Variants in PALM2AKAP2 observed in about 807,000 individuals in gnomAD.
PALM2AKAP2 encodes the protein PALM2-AKAP2 fusion protein.
A neutral mutation model predicts 71.5 loss-of-function variants in PALM2AKAP2; 37 were observed. The observed-to-expected ratio is 0.52, with a 90% CI of 0.40 to 0.68. The LOEUF (loss-of-function observed/expected upper bound fraction) is 0.68. Ranked by LOEUF, PALM2AKAP2 falls within the 30% of genes least tolerant of loss-of-function variation. PALM2AKAP2 has a pLI of 0.00. For missense variants in PALM2AKAP2, 1,224 were observed against 1,191.8 expected (o/e 1.03, Z -0.40); for synonymous variants, 468 against 478.8 (o/e 0.98, Z 0.29).
chr9:109,681,716 T>C (rs1007755665), intron 1 of PALM2AKAP2, among the ~76,000 whole-genome samples: 3 of 152,214 alleles, frequency 2.0e-5, no homozygotes, highest in African/African-American at 7.2e-5. Context: ...TTTAGACTTA[T>C]TATATGGGTA....
chr9:109,663,265 T>G (rs1307467602), intron 1 of PALM2AKAP2, among the ~76,000 whole-genome samples: 1 of 152,218 alleles, frequency 6.6e-6, no homozygotes, highest in Non-Finnish European at 1.5e-5. Flanking sequence ...TCTAGTTCTT[T>G]TAATTGTGAT....
At chr9:110,020,993 C>T (rs1035810408) in intron 7 of PALM2AKAP2, among the ~76,000 whole-genome samples, 9 of 152,056 alleles carry the variant, frequency 5.9e-5, no homozygotes, top group African/African-American at 2.2e-4. Flanking sequence ...GTAATCCCAG[C>T]TACTCCGGAG....
chr9:110,022,730 C>A (rs1478393902), intron 7 of PALM2AKAP2, among the ~76,000 whole-genome samples: 1 of 151,546 alleles, frequency 6.6e-6, no homozygotes, highest in Admixed American at 6.6e-5. Flanking sequence ...CCTCCCCTCT[C>A]CCCCCACCCC....
At chr9:109,732,493 T>C (rs1828571194) in intron 1 of PALM2AKAP2, among the ~76,000 whole-genome samples, 1 of 152,200 alleles carries the variant, frequency 6.6e-6, no homozygotes, top group Non-Finnish European at 1.5e-5. Flanking sequence ...TGGAAGACTT[T>C]TTGTTTGTTT....
chr9:109,775,883 A>G (rs1379118274), upstream of PALM2AKAP2, among the ~76,000 whole-genome samples: 2 of 152,220 alleles, frequency 1.3e-5, no homozygotes, highest in African/African-American at 4.8e-5. Flanking sequence ...CAAAACATCT[A>G]TTTTGCATAT....
chr9:110,011,015 AT>A (rs1476388549), intron 6 of PALM2AKAP2, among the ~76,000 whole-genome samples: 1,694 of 41,470 alleles, frequency 0.041, 38 homozygotes, highest in African/African-American at 0.14. Flanking sequence ...AAAAAAAAAA[AT>A]ATATATATAT....
chr9:110,091,733 A>G (rs2118794568), intron 1 of PALM2AKAP2, among the ~76,000 whole-genome samples: 1 of 152,122 alleles, frequency 6.6e-6, no homozygotes, highest in Non-Finnish European at 1.5e-5. Context: ...AAGTGCCGGG[A>G]TTACAGGTGT....
intron 6 of PALM2AKAP2, among the ~76,000 whole-genome samples, chr9:109,971,283 CT>C (rs11392589): frequency 0.11 from 4,815 of 44,962 alleles, 131 homozygotes; most frequent in African/African-American, 0.19. Flanking sequence ...CTCTTAGTCC[CT>C]TTTTTTTTTT....
At chr9:109,997,567 A>G (rs1334083565) in intron 6 of PALM2AKAP2, among the ~76,000 whole-genome samples, 1 of 152,336 alleles carries the variant, frequency 6.6e-6, no homozygotes, top group East Asian at 1.9e-4. Context: ...CCCCTACTCA[A>G]GGAGAAATAG....
In PALM2AKAP2 at chr9:109,986,569, A is replaced by C. The variant is rs150129032; in HGVS notation, c.497-29385A>C. Among the ~76,000 whole-genome samples the C allele has an allele frequency of 1.0e-3, 158 of 152,244 alleles. 1 individual carries two copies. The highest frequency in any genetic ancestry group is 2.1e-3 in the Non-Finnish European group (145 of 68,010). ...TCAGTGCTACGGCTTCTCTGACTTA[A>C]ATTTTCTGTTTCCCTTGTGTTTGTG... On this transcript the variant is annotated intron_variant, in intron 6 of 9. Coordinates refer to the PALM2AKAP2 transcript ENST00000302798.
chr9:109,869,794 C>A (rs999054529), intron 2 of PALM2AKAP2, among the ~76,000 whole-genome samples: 4 of 152,158 alleles, frequency 2.6e-5, no homozygotes, highest in Non-Finnish European at 5.9e-5. Flanking sequence ...TGGTAAAATT[C>A]TCACACAGTT....
At chr9:109,984,456 G>A (rs1459472327) in intron 6 of PALM2AKAP2, among the ~76,000 whole-genome samples, 1 of 151,758 alleles carries the variant, frequency 6.6e-6, no homozygotes, top group Non-Finnish European at 1.5e-5. Context: ...CTGGGAGTTC[G>A]AGACCAATTT....
At chr9:109,973,470 A>G (rs142100492) in intron 6 of PALM2AKAP2, among the ~76,000 whole-genome samples, 32 of 152,344 alleles carry the variant, frequency 2.1e-4, no homozygotes, top group African/African-American at 7.7e-4. Flanking sequence ...GGAGAACCAT[A>G]TAGTGGCTCT....
Position 110,150,408 on chromosome 9 carries a change from G to A in PALM2AKAP2, c.2570-5911G>A, listed in dbSNP as rs151080737. ...TTCACTTTCTTCCCTCTTTCGTTCTGTATGCTGCCTACATTCCTTGGCTCA... is the reference window on the plus strand; with the variant it reads ...TTCACTTTCTTCCCTCTTTCGTTCTATATGCTGCCTACATTCCTTGGCTCA... On this transcript the variant is annotated intron_variant, in intron 2 of 3. Transcript: ENST00000374525. 3.2e-3 allele frequency among the ~76,000 whole-genome samples: 491 copies of A among 152,200 alleles called. 4 individuals carry two copies. The highest frequency in any genetic ancestry group is 0.011 in the African/African-American group (471 of 41,522).
At chr9:109,947,053 T>C (rs987201741) in intron 6 of PALM2AKAP2, among the ~76,000 whole-genome samples, 2 of 152,232 alleles carry the variant, frequency 1.3e-5, no homozygotes, top group Non-Finnish European at 2.9e-5. Flanking sequence ...CATCATTTAA[T>C]ATTGGTGATG....
chr9:109,934,480 C>G (rs2132009676), intron 6 of PALM2AKAP2, among the ~76,000 whole-genome samples: 1 of 152,318 alleles, frequency 6.6e-6, no homozygotes, highest in African/African-American at 2.4e-5. Flanking sequence ...GTCCCAGTCT[C>G]TCCAGCTGGT....
chr9:109,671,522 G>A (rs927290687), intron 1 of PALM2AKAP2, among the ~76,000 whole-genome samples: 18 of 152,242 alleles, frequency 1.2e-4, no homozygotes, highest in Admixed American at 3.3e-4. Flanking sequence ...AGCATAGTTC[G>A]AAGTCAGGTA....
At position 110,148,358 on chromosome 9, in the gene PALM2AKAP2, C is replaced by G. The variant is rs1836228917; in HGVS notation, c.2570-7961C>G. ...CAATAATATTTGACAGTTTCTCAGA[C>G]TTGTTTGCCAAGCAGTGGTATTTCT... is the stretch of plus-strand genomic sequence containing the variant. On this transcript the variant is annotated intron_variant, in intron 2 of 3. Coordinates refer to ENST00000374525, the Ensembl canonical transcript of PALM2AKAP2. Among the ~76,000 whole-genome samples, 2 of 152,174 alleles carry G rather than the reference C, an allele frequency of 1.3e-5. 1 individual carries two copies. The highest frequency in any genetic ancestry group is 4.1e-4 in the South Asian group (2 of 4,832).
chr9:109,862,090 G>C (rs1433698690), intron 1 of PALM2AKAP2, among the ~76,000 whole-genome samples: 1 of 152,188 alleles, frequency 6.6e-6, no homozygotes, highest in East Asian at 1.9e-4. Context: ...AAATAGTTAA[G>C]TGTATAAAGT....
Sources: gnomAD v4.1 joint callset for allele counts (sites outside exome capture counted in the v4.1 genomes callset) on GRCh38, gnomAD v4.1.1 for gene constraint, MANE v1.5 for transcripts, NCBI Gene and HGNC (gene_info 2026-07-23, HGNC 2026-07-21) for gene names.